FAM184B: variants seen among roughly 807,000 people sequenced by gnomAD.
FAM184B encodes family with sequence similarity 184 member B, also known as protein FAM184B.
A neutral mutation model predicts 135.9 loss-of-function variants in FAM184B; 111 were observed. The observed-to-expected ratio is 0.82, with a 90% CI of 0.70 to 0.96. The LOEUF (loss-of-function observed/expected upper bound fraction) is 0.96. Ranked by LOEUF, FAM184B falls within the 40% of genes least tolerant of loss-of-function variation. The probability of loss-of-function intolerance (pLI) is 0.00; values close to 1 mark genes in which losing one functional copy is unlikely to be tolerated. For missense variants in FAM184B, 1,375 were observed against 1,323.9 expected, an observed-to-expected ratio of 1.04 and a Z score of -0.60; for synonymous variants, 552 against 524.8, an observed-to-expected ratio of 1.05 and a Z score of -0.71.
chr4:17,765,839 T>C (rs1332689845), intron 1 of FAM184B, among the ~76,000 whole-genome samples: 1 of 152,234 alleles, frequency 6.6e-6, no homozygotes, highest in African/African-American at 2.4e-5. Context: ...AGATGTGTTC[T>C]GAGTTTCTTC....
intron 1 of FAM184B, among the ~76,000 whole-genome samples, chr4:17,751,483 T>C (rs568941556): frequency 6.6e-6 from 1 of 152,194 alleles, no homozygotes; most frequent in South Asian, 2.1e-4. Flanking sequence ...GACACTGAAG[T>C]ACCTCTCTCC....
chr4:17,714,903 G>T (rs1432168498), intron 1 of FAM184B, among the ~76,000 whole-genome samples: 2 of 152,110 alleles, frequency 1.3e-5, no homozygotes, highest in African/African-American at 4.8e-5. Flanking sequence ...CCAACAAAAT[G>T]TGGTATCCCT....
rs185917046 is a variant in FAM184B, at chr4:17,754,568, A to C, written c.141+26591T>G. Among the ~76,000 whole-genome samples, 674 of 150,864 alleles carry C rather than the reference A, an allele frequency of 4.5e-3. 23 individuals are homozygous for C. The East Asian group carries it at 0.084, about 19-fold the overall frequency. Reference sequence around the variant, plus strand: ...CTCTGTCTCAGAAAAAAAAAAAAAAAAAGGTAAAAGAAAGAAAAAGAAACT... The same window carrying C: ...CTCTGTCTCAGAAAAAAAAAAAAAACAAGGTAAAAGAAAGAAAAAGAAACT... On this transcript the variant is annotated intron_variant, in intron 1 of 17. Transcript: ENST00000265018.
At chr4:17,689,183 T>C (rs894519229) in intron 6 of FAM184B, among the ~76,000 whole-genome samples, 1 of 152,116 alleles carries the variant, frequency 6.6e-6, no homozygotes, top group Non-Finnish European at 1.5e-5. Flanking sequence ...AAAAAGTTAA[T>C]TGGTAAAGAA....
chr4:17,762,635 G>A (rs1182951830), intron 1 of FAM184B, among the ~76,000 whole-genome samples: 2 of 152,218 alleles, frequency 1.3e-5, no homozygotes, highest in Non-Finnish European at 2.9e-5. Context: ...TTATCAATAG[G>A]ATGAGGAAGT....
At chr4:17,708,798 A>AGTG (rs1396095647) in intron 2 of FAM184B, 94 bp downstream of exon 2, 118 of 1,356,176 alleles carry the variant, frequency 8.7e-5, no homozygotes, top group Non-Finnish European at 1.1e-4. Context: ...GTAGAAGGCA[A>AGTG]GTGCTTAGCA....
At chr4:17,685,265 G>A (rs1323465580) in intron 7 of FAM184B, among the ~76,000 whole-genome samples, 2 of 150,200 alleles carry the variant, frequency 1.3e-5, no homozygotes, top group Admixed American at 6.7e-5. Flanking sequence ...AGAAGGCTGA[G>A]GAGGGCTGGG....
rs539994913 is a variant in FAM184B, at chr4:17,721,769, C to T, written c.142-12125G>A. The stretch of plus-strand genomic sequence containing the variant: ...ACTCCCAGGCCCTGCCCCAGACAGC[C>T]TGATGTGGAGAGTCTGGGGGAGGTC... On this transcript the variant is annotated intron_variant, in intron 1 of 17. Coordinates refer to ENST00000265018, the MANE Select transcript of FAM184B (RefSeq NM_015688.2). Among the ~76,000 whole-genome samples the T allele has an allele frequency of 3.3e-5, 5 of 152,280 alleles. No individual in the cohort carries two copies. The South Asian group carries it at 1.0e-3, about 32-fold the overall frequency.
chr4:17,732,827 C>T (rs1325207560), intron 1 of FAM184B, among the ~76,000 whole-genome samples: 2 of 152,182 alleles, frequency 1.3e-5, no homozygotes, highest in African/African-American at 2.4e-5. Flanking sequence ...TCCTCCCTAA[C>T]TCATTTTATG....
rs1367034927 is a variant in FAM184B, at chr4:17,633,735, G to A, written c.3043C>T (p.Arg1015Trp). Residue 1015 changes from arginine (R) to tryptophan (W), a missense_variant, in exon 17 of 18, where the codon CGG becomes TGG. Arg to Trp is a moderately radical substitution (Grantham distance 101). Coordinates refer to ENST00000265018, the MANE Select transcript of FAM184B (RefSeq NM_015688.2). The part of the protein sequence containing the change: ...PSLDPSPSCG[R>W]TYKPNQSTDA... ...GTAGACTGGTTGGGTTTGTAGGTCC[G>A]GCCACAGCTGGGGCTTGGGTCCAAG... 13 of 1,549,774 alleles carry A rather than the reference G, an allele frequency of 8.4e-6. No individual in the cohort carries two copies. Among genetic ancestry groups the A allele is most frequent in the Admixed American group, 5.9e-5 (3 of 50,754 alleles).
intron 11 of FAM184B, among the ~76,000 whole-genome samples, chr4:17,650,839 C>T (rs1341551163): frequency 4.6e-5 from 7 of 152,154 alleles, no homozygotes; most frequent in Admixed American, 2.6e-4. Context: ...CAAGGTAGAG[C>T]CTAACTCACT....
intron 12 of FAM184B, among the ~76,000 whole-genome samples, chr4:17,646,997 C>A (rs1715485046): frequency 6.6e-6 from 1 of 152,158 alleles, no homozygotes; most frequent in South Asian, 2.1e-4. Context: ...GTAAAATGTT[C>A]TGAGAAATTC....
At position 17,636,600 on chromosome 4, in the gene FAM184B, G is replaced by C; in HGVS notation, c.2712C>G (p.Pro904=). 6 of 1,550,902 alleles carry C rather than the reference G, an allele frequency of 3.9e-6. No homozygotes were observed. Among genetic ancestry groups the C allele is most frequent in the Non-Finnish European group, 5.2e-6 (6 of 1,146,912 alleles). The change falls in exon 15 of 18, where the codon CCC becomes CCG. Residue 904 remains proline (P), a synonymous_variant. Transcript: ENST00000265018. ...GGCGGCCAATGAGCTGAAGGTCCTC[G>C]GGCCTGGACGCTCCCTTCCCTGGCT... The part of the protein sequence containing the change: ...GEKPGKGASR[P]EDLQLIGRLQ...
At chr4:17,636,715 A>G in intron 14 of FAM184B, 70 bp from the exon 15 acceptor site, 2 of 1,260,990 alleles carry the variant, frequency 1.6e-6, no homozygotes, top group Non-Finnish European at 2.2e-6. Context: ...GAACAAGTGC[A>G]CACGATGGGA....
At chr4:17,702,488 TAGGATACAC>T (rs1197004144) in intron 5 of FAM184B, among the ~76,000 whole-genome samples, 3 of 152,134 alleles carry the variant, frequency 2.0e-5, no homozygotes, top group Non-Finnish European at 2.9e-5. Context: ...GGGTAGCACT[TAGGATACAC>T]AGTATACCTG....
intron 1 of FAM184B, among the ~76,000 whole-genome samples, chr4:17,757,753 T>A: frequency 6.7e-6 from 1 of 148,514 alleles, no homozygotes; most frequent in African/African-American, 2.6e-5. Flanking sequence ...AAATGTTATA[T>A]AAACAATAAC....
intron 12 of FAM184B, among the ~76,000 whole-genome samples, chr4:17,642,764 A>T (rs1455057954): frequency 6.6e-6 from 1 of 152,208 alleles, no homozygotes; most frequent in Non-Finnish European, 1.5e-5. Context: ...TGTAGCACCT[A>T]GCCTGGTGTA....
At chr4:17,684,107 GTATAAAATAATTATA>G (rs796578361) in intron 7 of FAM184B, among the ~76,000 whole-genome samples, 5 of 39,154 alleles carry the variant, frequency 1.3e-4, no homozygotes, top group East Asian at 1.1e-3. Context: ...TTATATTATA[GTATAAAATAATTATA>G]TATAAAATAA....
chr4:17,766,137 T>C (rs929859492), intron 1 of FAM184B, among the ~76,000 whole-genome samples: 1 of 152,212 alleles, frequency 6.6e-6, no homozygotes, highest in African/African-American at 2.4e-5. Flanking sequence ...CAGGTTGCCA[T>C]TGCTGGGTCA....
Sources: allele counts gnomAD v4.1 joint callset (sites outside exome capture counted in the v4.1 genomes callset), GRCh38; gene constraint gnomAD v4.1.1; transcripts MANE v1.5; gene names NCBI Gene and HGNC (gene_info 2026-07-23, HGNC 2026-07-21).